Variants in ZBBX observed in about 807,000 individuals in gnomAD.
ZBBX encodes zinc finger B-box domain-containing protein 1.
In ZBBX, 101 loss-of-function variants were observed where a neutral mutation model predicts 108.5. The observed-to-expected ratio is 0.93, with a 90% CI of 0.79 to 1.10. The LOEUF (loss-of-function observed/expected upper bound fraction) is 1.10, where lower values mean the gene tolerates loss of function less well. Among genes scored for constraint, ZBBX ranks in the 50% least tolerant of loss-of-function variants. The pLI is 0.00. For synonymous variants in ZBBX, 356 were observed against 323.4 expected (o/e 1.10, Z -1.08); for missense variants, 1,009 against 941.4 (o/e 1.07, Z -0.94).
intron 20 of ZBBX, among the ~76,000 whole-genome samples, chr3:167,261,639 A>G (rs73169134): frequency 0.096 from 14,516 of 151,828 alleles, 928 homozygotes; most frequent in Non-Finnish European, 0.14. Flanking sequence ...AGCCTCATCC[A>G]GCTCCCACAC....
chr3:167,218,436 T>C, the ZBBX span, among the ~76,000 whole-genome samples: 1 of 152,048 alleles, frequency 6.6e-6, no homozygotes, highest in South Asian at 2.1e-4. Flanking sequence ...CATAGTACAA[T>C]AAAAAATATT....
the ZBBX span, among the ~76,000 whole-genome samples, chr3:167,197,923 T>G: frequency 6.6e-6 from 1 of 152,220 alleles, no homozygotes; most frequent in Non-Finnish European, 1.5e-5. Context: ...TATCTTATCA[T>G]AGGAAATAGA....
chr3:167,369,579 T>C lies in ZBBX; in HGVS notation c.69-1005A>G, dbSNP rs951017064. On this transcript the variant is annotated intron_variant, in intron 4 of 21. Transcript: ENST00000675490. ...ATTGTATCTACTCCACAATGAGTAA[T>C]GCAGCTACTACCTCAAACAAACACT... Among the ~76,000 whole-genome samples, 14 of 152,320 alleles carry C rather than the reference T, an allele frequency of 9.2e-5. No homozygotes were observed. In the East Asian group the frequency reaches 2.3e-3, roughly 25 times the overall value.
chr3:167,359,385 T>C (rs1744144500), intron 8 of ZBBX, among the ~76,000 whole-genome samples: 1 of 152,132 alleles, frequency 6.6e-6, no homozygotes, highest in African/African-American at 2.4e-5. Flanking sequence ...GGCATCTGAC[T>C]GTACATTTAA....
chr3:167,186,347 C>T, the ZBBX span, among the ~76,000 whole-genome samples: 1 of 151,952 alleles, frequency 6.6e-6, no homozygotes, highest in South Asian at 2.1e-4. Flanking sequence ...AAGCAGCTAA[C>T]ATACTGGCTG....
intron 16 of ZBBX, among the ~76,000 whole-genome samples, chr3:167,313,562 T>C (rs537178769): frequency 6.6e-6 from 1 of 152,224 alleles, no homozygotes; most frequent in East Asian, 1.9e-4. Flanking sequence ...GATTACAAGC[T>C]TGAGCCACCG....
At chr3:167,235,572 T>G (rs1293559867), downstream of ZBBX, among the ~76,000 whole-genome samples, 1 of 151,550 alleles carries the variant, frequency 6.6e-6, no homozygotes, top group Non-Finnish European at 1.5e-5. Context: ...ATACACATAT[T>G]GATTCCTTCT....
At chr3:167,248,725 A>G (rs1044296439) in intron 20 of ZBBX, 4 of 445,624 alleles carry the variant, frequency 9.0e-6, no homozygotes, top group African/African-American at 4.0e-5. Context: ...ACCAATTCCT[A>G]CCAACTAAAC....
At chr3:167,273,045 G>C (rs369477247) in intron 20 of ZBBX, among the ~76,000 whole-genome samples, 4 of 152,130 alleles carry the variant, frequency 2.6e-5, no homozygotes, top group Admixed American at 6.5e-5. Context: ...TGGCTGCACA[G>C]ACCTCATAGG....
intron 4 of ZBBX, among the ~76,000 whole-genome samples, chr3:167,370,094 AAAGATCAC>A (rs147104870): frequency 0.02 from 3,006 of 152,278 alleles, 103 homozygotes; most frequent in African/African-American, 0.069. Flanking sequence ...TTACATTTAG[AAAGATCAC>A]TCAGGCTGTA....
At chr3:167,219,940 C>A in the ZBBX span, among the ~76,000 whole-genome samples, 2 of 151,832 alleles carry the variant, frequency 1.3e-5, no homozygotes, top group African/African-American at 4.8e-5. Flanking sequence ...TGCAGAAATT[C>A]CAAGAATTAT....
intron 8 of ZBBX, 120 bp downstream of exon 8, chr3:167,359,750 T>C: frequency 2.4e-6 from 1 of 419,158 alleles, no homozygotes; most frequent in Non-Finnish European, 4.1e-6. Flanking sequence ...GAAGAAAAAG[T>C]ATATGGCTAC....
At chr3:167,247,375 T>G (rs1721759597) in intron 20 of ZBBX, among the ~76,000 whole-genome samples, 1 of 152,122 alleles carries the variant, frequency 6.6e-6, no homozygotes, top group African/African-American at 2.4e-5. Context: ...CCAAGCAGCC[T>G]AACTCTAGGG....
At chr3:167,374,777 T>C (rs1411997842) in intron 2 of ZBBX, among the ~76,000 whole-genome samples, 3 of 151,936 alleles carry the variant, frequency 2.0e-5, no homozygotes, top group Non-Finnish European at 4.4e-5. Context: ...CATGTGATAA[T>C]ATAGGAAGTG....
At chr3:167,191,934 T>TATATATATAGAG in the ZBBX span, among the ~76,000 whole-genome samples, 5 of 130,214 alleles carry the variant, frequency 3.8e-5, no homozygotes, top group Non-Finnish European at 6.3e-5. Context: ...TATATATATA[T>TATATATATAGAG]AGAGCAAGTT....
intron 1 of ZBBX, among the ~76,000 whole-genome samples, chr3:167,395,175 G>C (rs1219697628): frequency 6.6e-6 from 1 of 151,970 alleles, no homozygotes; most frequent in East Asian, 1.9e-4. Flanking sequence ...GATTGAAATG[G>C]AAAAAAATAA....
chr3:167,326,998 A>G (rs1737505177), intron 11 of ZBBX, among the ~76,000 whole-genome samples: 1 of 152,000 alleles, frequency 6.6e-6, no homozygotes. Flanking sequence ...CAATTGGAAG[A>G]CACTACAAGA....
chr3:167,185,814 A>G, the ZBBX span, among the ~76,000 whole-genome samples: 2 of 152,158 alleles, frequency 1.3e-5, no homozygotes, highest in Non-Finnish European at 2.9e-5. Context: ...AAACATATTC[A>G]TAATGACCAT....
At chr3:167,344,902 G>A (rs554822024) in intron 9 of ZBBX, among the ~76,000 whole-genome samples, 2 of 151,912 alleles carry the variant, frequency 1.3e-5, no homozygotes, top group African/African-American at 4.8e-5. Flanking sequence ...GAATGTAGTT[G>A]ACATGACTAC....
Sources: allele counts gnomAD v4.1 joint callset (sites outside exome capture counted in the v4.1 genomes callset), GRCh38; gene constraint gnomAD v4.1.1; transcripts MANE v1.5; gene names NCBI Gene and HGNC (gene_info 2026-07-23, HGNC 2026-07-21).